The following HACE1 variants were observed in gnomAD, a reference collection of about 807,000 sequenced individuals.
HACE1 encodes the protein E3 ubiquitin-protein ligase HACE1.
HACE1 carries 73 observed loss-of-function variants against 118.4 expected under a neutral mutation model. The ratio of observed to expected loss-of-function variants is 0.62; its 90% CI spans 0.51 to 0.75. The LOEUF is 0.75. Ranked by LOEUF, HACE1 falls within the 30% of genes least tolerant of loss-of-function variation. The probability of loss-of-function intolerance (pLI) is 0.00; values close to 1 mark genes in which losing one functional copy is unlikely to be tolerated. For missense variants in HACE1, 749 were observed against 1,102.2 expected (o/e 0.68, Z 4.54); for synonymous variants, 368 against 374.8 (o/e 0.98, Z 0.21).
chr6:104,822,902 A>G (rs1008050729), intron 6 of HACE1, among the ~76,000 whole-genome samples: 2 of 152,122 alleles, frequency 1.3e-5, no homozygotes, highest in Admixed American at 6.5e-5. Flanking sequence ...TCGTATTTCT[A>G]TTTATACTGT....
At chr6:104,794,596 T>C (rs909764837) in intron 10 of HACE1, among the ~76,000 whole-genome samples, 5 of 152,180 alleles carry the variant, frequency 3.3e-5, no homozygotes, top group Non-Finnish European at 7.4e-5. Flanking sequence ...GCCTAATGGA[T>C]GGTACGCCCT....
Position 104,729,552 on chromosome 6 carries a change from C to A in HACE1, c.*110G>T. 1 of 735,752 alleles carries A rather than the reference C, an allele frequency of 1.4e-6. No homozygotes were observed. The highest frequency in any genetic ancestry group is 2.5e-6 in the Non-Finnish European group (1 of 397,984). The allele number at this position is 735,752 out of a possible 1,614,324, so 45.6% of individuals were successfully genotyped here. On this transcript the variant is annotated 3_prime_UTR_variant, in exon 24 of 24. Coordinates refer to ENST00000262903, the MANE Select transcript of HACE1 (RefSeq NM_020771.4). ...ATGATCCTTTATAAATTGGAAGCAT[C>A]AGCCCTGCCTATGGGTTGCATTTAG... is the stretch of plus-strand genomic sequence containing the variant.
At chr6:104,771,873 G>GAA (rs76828183) in intron 18 of HACE1, 52 bp downstream of exon 18, 1,744 of 1,236,028 alleles carry the variant, frequency 1.4e-3, no homozygotes, top group African/African-American at 1.8e-3. Flanking sequence ...TCCTCAAACT[G>GAA]AAAAAAAAAC....
chr6:104,819,208 C>T (rs1267230804), intron 6 of HACE1, among the ~76,000 whole-genome samples: 1 of 152,142 alleles, frequency 6.6e-6, no homozygotes, highest in Non-Finnish European at 1.5e-5. Flanking sequence ...AATACAAAAC[C>T]AACGTGGAAA....
At chr6:104,793,421 C>T (rs1366160028) in intron 10 of HACE1, among the ~76,000 whole-genome samples, 1 of 152,112 alleles carries the variant, frequency 6.6e-6, no homozygotes, top group Non-Finnish European at 1.5e-5. Context: ...ACTACCTTTA[C>T]TTTCAATCAT....
intron 6 of HACE1, among the ~76,000 whole-genome samples, chr6:104,827,607 C>T (rs955080323): frequency 6.6e-6 from 1 of 152,096 alleles, no homozygotes; most frequent in Non-Finnish European, 1.5e-5. Context: ...AGAATAAATA[C>T]AATTACTCTG....
chr6:104,801,524 GA>G (rs761267137), intron 7 of HACE1, among the ~76,000 whole-genome samples: 5 of 152,212 alleles, frequency 3.3e-5, no homozygotes, highest in Admixed American at 6.5e-5. Flanking sequence ...TCTCTCGGCA[GA>G]AACTCTACAA....
Position 104,813,304 on chromosome 6 carries a change from T to C in HACE1, c.535-1911A>G, listed in dbSNP as rs188348638. ...GGAGTTCAAGACCAGCCTAGGCAAT[T>C]TAGAGAGATCCCATTTCCACAACAA... is the stretch of plus-strand genomic sequence containing the variant. On this transcript the variant is annotated intron_variant, in intron 6 of 23. Coordinates refer to ENST00000262903, the MANE Select transcript of HACE1 (RefSeq NM_020771.4). Among the ~76,000 whole-genome samples, 3 of 137,826 alleles carry C rather than the reference T, an allele frequency of 2.2e-5. No homozygotes were observed. The East Asian group carries it at 6.5e-4, about 30-fold the overall frequency. 90.4% of individuals were successfully genotyped at this position (137,826 alleles called of 152,430 possible).
At chr6:104,759,817 G>A (rs1779134511) in intron 19 of HACE1, among the ~76,000 whole-genome samples, 1 of 151,252 alleles carries the variant, frequency 6.6e-6, no homozygotes, top group African/African-American at 2.4e-5. Flanking sequence ...GACTAATAAA[G>A]ATGAAAAGAG....
At position 104,796,749 on chromosome 6, in the gene HACE1, T is replaced by C; in HGVS notation, c.722A>G (p.Tyr241Cys). Reference sequence around the variant, plus strand: ...AATTAATACTTCACAAGTCTCTCCATATCCACCCTAAAAACAAGATCTAAA... The same window carrying C: ...AATTAATACTTCACAAGTCTCTCCACATCCACCCTAAAAACAAGATCTAAA... ...TPLDLCVQGG[Y>C]GETCEVLIQY... Residue 241 changes from tyrosine to cysteine, a missense_variant, in exon 9 of 24, where the codon TAT becomes TGT. By Grantham distance (194) the Tyr-to-Cys change is radical. Transcript: ENST00000262903. 1.3e-6 allele frequency: 2 copies of C among 1,552,706 alleles called. No individual in the cohort carries two copies. Among genetic ancestry groups the C allele is most frequent in the Non-Finnish European group, 1.8e-6 (2 of 1,124,930 alleles).
rs1370486344 is a variant in HACE1 at position 104,853,337 on chromosome 6, TAC to T, written c.77-968_77-967del. Among the ~76,000 whole-genome samples the T allele has an allele frequency of 3.9e-5, 6 of 152,308 alleles. No homozygotes were observed. The East Asian group carries it at 1.2e-3, about 29-fold the overall frequency. On this transcript the variant is annotated intron_variant, in intron 1 of 23. Coordinates refer to ENST00000262903, the MANE Select transcript of HACE1 (RefSeq NM_020771.4). ...AGAAAACAGGCTAAGAGAGACCCTT[TAC>T]ACAATAAATTCACAAAAACATGACC...
At chr6:104,789,767 T>C (rs778843369) in intron 11 of HACE1, among the ~76,000 whole-genome samples, 18 of 152,188 alleles carry the variant, frequency 1.2e-4, no homozygotes, top group Non-Finnish European at 2.2e-4. Flanking sequence ...TTTGATTTTA[T>C]ATTCATCATT....
chr6:104,737,747 G>A (rs1416458237), intron 22 of HACE1, among the ~76,000 whole-genome samples: 1 of 152,226 alleles, frequency 6.6e-6, no homozygotes, highest in African/African-American at 2.4e-5. Flanking sequence ...AGCGAGGCTG[G>A]GGGAGGGGCG....
chr6:104,741,298 A>T (rs1284382188), intron 22 of HACE1, among the ~76,000 whole-genome samples: 1 of 132,782 alleles, frequency 7.5e-6, no homozygotes, highest in Non-Finnish European at 1.6e-5. Flanking sequence ...TAGTGTTGGA[A>T]GTTCTGGCCA....
Position 104,750,402 on chromosome 6 carries a change from A to G in HACE1, c.2282T>C (p.Leu761Ser). ...TGGAATGAACATATGAAAGCCCTGT[A>G]AAAAAGCATTGATCTGAGGCTGAAT... ...RAIQPQINAF[L>S]QGFHMFIPPS... is the part of the protein sequence containing the mutation. The change falls in exon 20 of 24, where the codon TTA (leucine) becomes TCA (serine). Residue 761 changes from leucine to serine, a missense_variant. This residue lies in a region of HACE1 where 165 missense variants were observed against 229.9 expected (regional missense o/e 0.72). Transcript: ENST00000262903. 1 of 1,612,858 alleles carries G rather than the reference A, an allele frequency of 6.2e-7. No homozygotes were observed. Among genetic ancestry groups the G allele is most frequent in the South Asian group, 1.1e-5 (1 of 91,040 alleles).
chr6:104,854,497 C>T (rs1776532616), intron 1 of HACE1, among the ~76,000 whole-genome samples: 1 of 151,914 alleles, frequency 6.6e-6, no homozygotes, highest in African/African-American at 2.4e-5. Flanking sequence ...TTTAAAATTA[C>T]TTTAAAAAAT....
In HACE1 at chr6:104,784,982, T is replaced by C. The variant is rs1404952236; in HGVS notation, c.1409+3A>G. 3 of 1,602,364 alleles carry C rather than the reference T, an allele frequency of 1.9e-6. No homozygotes were observed. The highest frequency in any genetic ancestry group is 2.6e-6 in the Non-Finnish European group (3 of 1,170,824). Reference sequence around the variant, plus strand: ...AAAAAATAATAAGCCAAAACTTTCTTACCCCGGAGGCATCTGACAAGAACA... The same window carrying C: ...AAAAAATAATAAGCCAAAACTTTCTCACCCCGGAGGCATCTGACAAGAACA... On this transcript the variant is annotated splice_donor_region_variant and intron_variant, in intron 12 of 23. Coordinates refer to ENST00000262903, the MANE Select transcript of HACE1 (RefSeq NM_020771.4).
At position 104,758,109 on chromosome 6, in the gene HACE1, G is replaced by C. The variant is rs138945872; in HGVS notation, c.2212-7637C>G. ...AGAGTGACGGGGAGAATGGAACCAA[G>C]TTAGAAAACACTCTTCAGGATATTA... On this transcript the variant is annotated intron_variant, in intron 19 of 23. Transcript: ENST00000262903. 3.3e-4 allele frequency among the ~76,000 whole-genome samples: 50 copies of C among 152,276 alleles called. No individual in the cohort carries two copies. In the East Asian group the frequency reaches 8.1e-3, roughly 25 times the overall value.
In HACE1 at chr6:104,815,863, A is replaced by G. The variant is rs1340516719; in HGVS notation, c.535-4470T>C. Reference sequence around the variant, plus strand: ...TGAGGCGGGCAGATCACCTGAGGTCAGGAGTTTGAGACCAGCTTGGCCAAT... The same window carrying G: ...TGAGGCGGGCAGATCACCTGAGGTCGGGAGTTTGAGACCAGCTTGGCCAAT... On this transcript the variant is annotated intron_variant, in intron 6 of 23. Coordinates refer to ENST00000262903, the MANE Select transcript of HACE1 (RefSeq NM_020771.4). Among the ~76,000 whole-genome samples the G allele has an allele frequency of 2.0e-5, 3 of 148,248 alleles. 1 individual carries two copies. Among genetic ancestry groups the G allele is most frequent in the African/African-American group, 7.6e-5 (3 of 39,310 alleles).
Sources: allele counts gnomAD v4.1 joint callset (sites outside exome capture counted in the v4.1 genomes callset), GRCh38; gene constraint gnomAD v4.1.1; regional missense constraint gnomAD v4.1.1; transcripts MANE v1.5; gene names NCBI Gene and HGNC (gene_info 2026-07-23, HGNC 2026-07-21).